The following CLSTN2 variants were observed in gnomAD, a reference collection of about 807,000 sequenced individuals.
The protein encoded by CLSTN2 is calsyntenin-2.
In CLSTN2, 48 loss-of-function variants were observed where a neutral mutation model predicts 101.2. The observed-to-expected ratio is 0.47, with a 90% CI of 0.38 to 0.60. The LOEUF is 0.60. Ranked by LOEUF, CLSTN2 falls within the 20% of genes least tolerant of loss-of-function variation. CLSTN2 has a pLI of 0.00. For synonymous variants in CLSTN2, 481 were observed against 463.6 expected, an observed-to-expected ratio of 1.04 and a Z score of -0.48; for missense variants, 1,160 against 1,238.2, an observed-to-expected ratio of 0.94 and a Z score of 0.95.
At chr3:140,082,273 C>T (rs2008611200) in intron 1 of CLSTN2, among the ~76,000 whole-genome samples, 1 of 152,184 alleles carries the variant, frequency 6.6e-6, no homozygotes, top group Admixed American at 6.5e-5. Flanking sequence ...GGCATTCTTT[C>T]CCTTCTCTCC....
intron 2 of CLSTN2, among the ~76,000 whole-genome samples, chr3:140,350,318 G>T (rs1367532213): frequency 6.6e-6 from 1 of 152,192 alleles, no homozygotes; most frequent in African/African-American, 2.4e-5. Flanking sequence ...AAATGAACTT[G>T]CAAATGCAGA....
At chr3:140,347,726 T>A (rs546172092) in intron 2 of CLSTN2, among the ~76,000 whole-genome samples, 1 of 152,332 alleles carries the variant, frequency 6.6e-6, no homozygotes, top group South Asian at 2.1e-4. Flanking sequence ...CATCAAATCA[T>A]CATAGATCTA....
chr3:140,181,991 G>A (rs933394893), intron 2 of CLSTN2, among the ~76,000 whole-genome samples: 4 of 152,186 alleles, frequency 2.6e-5, no homozygotes, highest in African/African-American at 9.7e-5. Flanking sequence ...ATTAAAGAGT[G>A]CTGAATCCCA....
chr3:140,474,802 T>C (rs1340337564), intron 8 of CLSTN2, among the ~76,000 whole-genome samples: 1 of 152,126 alleles, frequency 6.6e-6, no homozygotes, highest in Non-Finnish European at 1.5e-5. Flanking sequence ...AGGAGTCTGC[T>C]GGGCTCCGGC....
intron 1 of CLSTN2, among the ~76,000 whole-genome samples, chr3:140,160,477 T>G (rs573488301): frequency 6.6e-6 from 1 of 152,178 alleles, no homozygotes; most frequent in Non-Finnish European, 1.5e-5. Context: ...GTAAATATGA[T>G]TTTATGACTC....
intron 2 of CLSTN2, among the ~76,000 whole-genome samples, chr3:140,309,371 C>T (rs967520056): frequency 2.0e-5 from 3 of 152,088 alleles, no homozygotes; most frequent in Non-Finnish European, 4.4e-5. Context: ...TGATCCTCCC[C>T]AGGAGATGGT....
chr3:140,304,210 C>A (rs1559833636), intron 2 of CLSTN2, among the ~76,000 whole-genome samples: 1 of 152,180 alleles, frequency 6.6e-6, no homozygotes, highest in African/African-American at 2.4e-5. Context: ...CTTCATATTT[C>A]TTTTTCCATC....
At chr3:140,242,050 G>C (rs1376304202) in intron 2 of CLSTN2, among the ~76,000 whole-genome samples, 1 of 151,928 alleles carries the variant, frequency 6.6e-6, no homozygotes, top group African/African-American at 2.4e-5. Flanking sequence ...TGGGATTAGA[G>C]GCGCCCGCCA....
intron 8 of CLSTN2, among the ~76,000 whole-genome samples, chr3:140,517,440 G>A (rs572000187): frequency 2.4e-4 from 37 of 152,158 alleles, no homozygotes; most frequent in Non-Finnish European, 4.6e-4. Context: ...TTCTCATTTG[G>A]ATAGACTATG....
chr3:140,097,158 C>T (rs1466254225), intron 1 of CLSTN2, among the ~76,000 whole-genome samples: 1 of 152,166 alleles, frequency 6.6e-6, no homozygotes, highest in Admixed American at 6.5e-5. Context: ...AGGGGCTTTA[C>T]ATATATTTTT....
intron 1 of CLSTN2, among the ~76,000 whole-genome samples, chr3:140,020,275 CTG>C (rs1457442254): frequency 1.3e-5 from 2 of 152,102 alleles, no homozygotes; most frequent in Non-Finnish European, 2.9e-5. Flanking sequence ...TCTGGTGACT[CTG>C]TGAGAAGACC....
At chr3:139,941,665 T>C (rs1045574049) in intron 1 of CLSTN2, among the ~76,000 whole-genome samples, 2 of 152,064 alleles carry the variant, frequency 1.3e-5, no homozygotes, top group African/African-American at 4.8e-5. Flanking sequence ...GGGATGTTGA[T>C]GGGTGGGTAG....
chr3:140,333,678 G>A (rs1279147986), intron 2 of CLSTN2, among the ~76,000 whole-genome samples: 3 of 136,964 alleles, frequency 2.2e-5, no homozygotes, highest in Non-Finnish European at 4.9e-5. Context: ...TATTAGAGTG[G>A]AGACTGTGTG....
intron 1 of CLSTN2, among the ~76,000 whole-genome samples, chr3:140,099,166 T>A (rs1486941716): frequency 6.6e-6 from 1 of 152,124 alleles, no homozygotes; most frequent in Non-Finnish European, 1.5e-5. Context: ...TTTAAGGAGC[T>A]CTCCTAGAAG....
intron 1 of CLSTN2, among the ~76,000 whole-genome samples, chr3:139,953,357 G>A (rs111497360): frequency 0.011 from 1,691 of 152,194 alleles, 28 homozygotes; most frequent in African/African-American, 0.039. Context: ...CCTGTGACAC[G>A]CAATTTACTC....
intron 2 of CLSTN2, among the ~76,000 whole-genome samples, chr3:140,176,344 C>A (rs1222275160): frequency 6.6e-6 from 1 of 152,124 alleles, no homozygotes; most frequent in East Asian, 1.9e-4. Context: ...GCTGAAGTGG[C>A]CTGTGGAGTT....
intron 1 of CLSTN2, among the ~76,000 whole-genome samples, chr3:140,081,573 G>A (rs1031502078): frequency 3.3e-5 from 5 of 152,164 alleles, no homozygotes; most frequent in African/African-American, 1.2e-4. Context: ...GGCACTGGGA[G>A]GGTCACACTG....
chr3:140,005,268 C>T lies in CLSTN2; in HGVS notation c.109+69785C>T, dbSNP rs145869613. ...CATGGCCTCAGTCCTGAGCCACATC[C>T]GTGGGTGGATTTTTGCCCCTCTCCT... On this transcript the variant is annotated intron_variant, in intron 1 of 16. Transcript: ENST00000458420. Among the ~76,000 whole-genome samples, 60 of 152,304 alleles carry T rather than the reference C, an allele frequency of 3.9e-4. 1 individual carries two copies. In the East Asian group the frequency reaches 8.7e-3, roughly 22 times the overall value.
chr3:140,156,947 C>T (rs529851852), intron 1 of CLSTN2, among the ~76,000 whole-genome samples: 9 of 152,138 alleles, frequency 5.9e-5, no homozygotes, highest in East Asian at 1.9e-4. Flanking sequence ...AAACACAACC[C>T]GCTGACATCA....
Sources: allele counts gnomAD v4.1 joint callset (sites outside exome capture counted in the v4.1 genomes callset), GRCh38; gene constraint gnomAD v4.1.1; transcripts MANE v1.5; gene names NCBI Gene and HGNC (gene_info 2026-07-23, HGNC 2026-07-21).